The following PRUNE2 variants were observed in gnomAD, a reference collection of about 807,000 sequenced individuals.
PRUNE2 encodes protein prune homolog 2.
In PRUNE2, 164 loss-of-function variants were observed where a neutral mutation model predicts 252.0. That is an observed-to-expected ratio of 0.65 (90% CI 0.57 to 0.74). The LOEUF (loss-of-function observed/expected upper bound fraction) is 0.74, where lower values mean the gene tolerates loss of function less well. Ranked by LOEUF, PRUNE2 falls within the 30% of genes least tolerant of loss-of-function variation. The pLI is 0.00. For synonymous variants in PRUNE2, 1,292 were observed against 1,350.2 expected (o/e 0.96, Z 0.94); for missense variants, 3,495 against 3,711.0 (o/e 0.94, Z 1.51).
rs114288823 is a variant in PRUNE2, at chr9:76,731,634, A to G, written c.757-17913T>C. ...ACCATGCCCGGCAGGAACAATAAAT[A>G]TATTTTTTAAACTTACAAAACAAAA... On this transcript the variant is annotated intron_variant, in intron 6 of 18. Transcript: ENST00000376718. Among the ~76,000 whole-genome samples the G allele has an allele frequency of 3.2e-3, 491 of 152,242 alleles. 5 individuals are homozygous for G. Among genetic ancestry groups the G allele is most frequent in the African/African-American group, 0.012 (482 of 41,548 alleles).
At chr9:76,824,962 A>T (rs1234816141) in intron 5 of PRUNE2, among the ~76,000 whole-genome samples, 2 of 152,242 alleles carry the variant, frequency 1.3e-5, no homozygotes, top group East Asian at 3.8e-4. Context: ...CATACACACA[A>T]GGACATGCAC....
intron 5 of PRUNE2, among the ~76,000 whole-genome samples, chr9:76,825,855 G>A (rs552494180): frequency 6.6e-6 from 1 of 152,314 alleles, no homozygotes; most frequent in Non-Finnish European, 1.5e-5. Context: ...TCACTGTCCT[G>A]ACAAAGCCTA....
At chr9:76,679,703 C>A (rs146827067) in intron 9 of PRUNE2, among the ~76,000 whole-genome samples, 1 of 152,004 alleles carries the variant, frequency 6.6e-6, no homozygotes, top group African/African-American at 2.4e-5. Context: ...ATAGAGAGTC[C>A]AGAAATAAAC....
rs372725116 is a variant in PRUNE2 at position 76,650,010 on chromosome 9, A to G, written c.8557+2473T>C. ...AGAGGCCTAAATGTGAGCAAGAGCT[A>G]TCATGTTTGGCTTCAAGTATGTAAG... On this transcript the variant is annotated intron_variant, in intron 11 of 18. Transcript: ENST00000376718. 4.5e-4 allele frequency among the ~76,000 whole-genome samples: 68 copies of G among 151,980 alleles called. No individual in the cohort carries two copies. In the East Asian group the frequency reaches 9.1e-3, roughly 20 times the overall value.
intron 11 of PRUNE2, among the ~76,000 whole-genome samples, chr9:76,647,910 C>T (rs1245175449): frequency 2.6e-5 from 4 of 152,058 alleles, no homozygotes; most frequent in African/African-American, 4.8e-5. Flanking sequence ...TGCAGTGAAC[C>T]GAGATTGCGT....
intron 15 of PRUNE2, among the ~76,000 whole-genome samples, chr9:76,630,455 A>T (rs978941398): frequency 1.6e-4 from 25 of 152,164 alleles, no homozygotes; most frequent in African/African-American, 6.0e-4. Flanking sequence ...CCTCTGGGGA[A>T]GGGGATTAGG....
At chr9:76,787,941 A>G (rs1464462339) in intron 6 of PRUNE2, among the ~76,000 whole-genome samples, 1 of 152,166 alleles carries the variant, frequency 6.6e-6, no homozygotes, top group East Asian at 1.9e-4. Context: ...CTCCATGGTC[A>G]CCAAGCGTTC....
Position 76,637,512 on chromosome 9 carries a change from C to A in PRUNE2, c.8869G>T (p.Asp2957Tyr). ...ISTLELMVAE[D>Y]YMIVYLNGAT... ...CCATTCAAGTACACAATCATATAGT[C>A]TTCAGCTACCATCAACTCTAAAGTA... The change falls in exon 14 of 19, where the codon GAC becomes TAC. Residue 2957 changes from aspartate (D) to tyrosine (Y), a missense_variant. Coordinates refer to ENST00000376718, the MANE Select transcript of PRUNE2 (RefSeq NM_015225.3). 1 of 1,613,282 alleles carries A rather than the reference C, an allele frequency of 6.2e-7. No individual in the cohort carries two copies. Among genetic ancestry groups the A allele is most frequent in the South Asian group, 1.1e-5 (1 of 91,050 alleles).
intron 1 of PRUNE2, among the ~76,000 whole-genome samples, chr9:76,893,855 T>G (rs2062643931): frequency 6.6e-6 from 1 of 152,168 alleles, no homozygotes; most frequent in South Asian, 2.1e-4. Context: ...GTAATGACAC[T>G]TCAGGCCACG....
intron 9 of PRUNE2, among the ~76,000 whole-genome samples, chr9:76,668,871 G>A (rs1025815818): frequency 4.7e-5 from 7 of 149,542 alleles, no homozygotes; most frequent in Non-Finnish European, 8.9e-5. Context: ...AAATTTACTC[G>A]CTCACAATTC....
chr9:76,888,822 T>C (rs2133441594), intron 1 of PRUNE2, among the ~76,000 whole-genome samples: 1 of 152,062 alleles, frequency 6.6e-6, no homozygotes, highest in Middle Eastern at 3.4e-3. Context: ...TACTTCTCCC[T>C]CCAGCCTGTT....
intron 2 of PRUNE2, among the ~76,000 whole-genome samples, chr9:76,852,656 T>G (rs766108238): frequency 6.6e-6 from 1 of 152,222 alleles, no homozygotes; most frequent in African/African-American, 2.4e-5. Context: ...GGGGGCCCAG[T>G]AAACTACGAG....
chr9:76,817,951 A>C (rs974501933), intron 6 of PRUNE2: 1 of 152,198 alleles, frequency 6.6e-6, no homozygotes, highest in African/African-American at 2.4e-5. Flanking sequence ...GAGTTTTCAC[A>C]TATTTCTATT....
At chr9:76,905,877 C>G (rs1429155033) in intron 1 of PRUNE2, 51 bp downstream of exon 1, 2 of 1,611,888 alleles carry the variant, frequency 1.2e-6, no homozygotes, top group African/African-American at 1.3e-5. Context: ...CTCCACCTTT[C>G]CATTAGCATA....
chr9:76,846,921 C>T lies in PRUNE2; in HGVS notation c.345-243G>A, dbSNP rs541135078. 1.4e-3 allele frequency among the ~76,000 whole-genome samples: 210 copies of T among 152,296 alleles called. 1 individual carries two copies. Among genetic ancestry groups the T allele is most frequent in the African/African-American group, 4.8e-3 (198 of 41,556 alleles). On this transcript the variant is annotated intron_variant, in intron 3 of 18. Coordinates refer to ENST00000376718, the MANE Select transcript of PRUNE2 (RefSeq NM_015225.3). ...CTTCCCAGCTTTATCCTGTGCTGTG[C>T]TCTTGGAAAATAATAGTAACTAACA...
intron 1 of PRUNE2, among the ~76,000 whole-genome samples, chr9:76,854,990 C>T (rs2060163221): frequency 2.0e-5 from 3 of 147,582 alleles, no homozygotes; most frequent in Non-Finnish European, 4.4e-5. Context: ...CACTTAAACC[C>T]AGGAGGCGGA....
chr9:76,664,680 C>T (rs184321047), intron 9 of PRUNE2, among the ~76,000 whole-genome samples: 58 of 152,146 alleles, frequency 3.8e-4, no homozygotes, highest in African/African-American at 1.1e-3. Context: ...ACCACCATGC[C>T]GAGCTAATTT....
At chr9:76,673,133 T>A (rs2041846222) in intron 9 of PRUNE2, among the ~76,000 whole-genome samples, 1 of 151,582 alleles carries the variant, frequency 6.6e-6, no homozygotes, top group Non-Finnish European at 1.5e-5. Flanking sequence ...TTTGAAAGGA[T>A]CAACAAAATT....
At chr9:76,760,713 A>C (rs1252051526) in intron 6 of PRUNE2, among the ~76,000 whole-genome samples, 1 of 151,940 alleles carries the variant, frequency 6.6e-6, no homozygotes, top group Non-Finnish European at 1.5e-5. Flanking sequence ...TTCTAGACTC[A>C]CTCTACTTCA....
Sources: allele counts gnomAD v4.1 joint callset (sites outside exome capture counted in the v4.1 genomes callset), GRCh38; gene constraint gnomAD v4.1.1; transcripts MANE v1.5; gene names NCBI Gene and HGNC (gene_info 2026-07-23, HGNC 2026-07-21).